CYB5R4: variants seen among roughly 807,000 people sequenced by gnomAD.
CYB5R4 encodes the protein N-terminal cytochrome b5 and cytochrome b5 oxidoreductase domain-containing protein.
A neutral mutation model predicts 70.2 loss-of-function variants in CYB5R4; 55 were observed. The ratio of observed to expected loss-of-function variants is 0.78; its 90% CI spans 0.63 to 0.98. The LOEUF is 0.98. Among genes scored for constraint, CYB5R4 ranks in the 50% least tolerant of loss-of-function variants. The probability of loss-of-function intolerance (pLI) is 0.00; values close to 1 mark genes in which losing one functional copy is unlikely to be tolerated. For synonymous variants in CYB5R4, 197 were observed against 199.5 expected, an observed-to-expected ratio of 0.99 and a Z score of 0.11; for missense variants, 562 against 612.6, an observed-to-expected ratio of 0.92 and a Z score of 0.87.
intron 10 of CYB5R4, among the ~76,000 whole-genome samples, chr6:83,928,526 A>G (rs1032350190): frequency 2.0e-5 from 3 of 152,120 alleles, no homozygotes; most frequent in African/African-American, 4.8e-5. Context: ...CAAAAACTAT[A>G]TGGGACTTTC....
At chr6:83,860,344 G>A (rs1045510989) in intron 1 of CYB5R4, among the ~76,000 whole-genome samples, 1 of 152,098 alleles carries the variant, frequency 6.6e-6, no homozygotes, top group Non-Finnish European at 1.5e-5. Context: ...GAGTTGGGGA[G>A]CTAGGTCAGG....
At chr6:83,919,175 C>T (rs1274088341) in intron 6 of CYB5R4, among the ~76,000 whole-genome samples, 2 of 151,992 alleles carry the variant, frequency 1.3e-5, no homozygotes. Flanking sequence ...TGTTTTTACT[C>T]AAGTGGGAAT....
intron 14 of CYB5R4, among the ~76,000 whole-genome samples, chr6:83,943,809 C>G (rs948500057): frequency 1.3e-5 from 2 of 151,760 alleles, no homozygotes; most frequent in Non-Finnish European, 2.9e-5. Context: ...CATCATGAAG[C>G]ATACACAAGT....
In CYB5R4 at chr6:83,880,955, A is replaced by G. The variant is rs1245462954; in HGVS notation, c.230-12567A>G. Reference sequence around the variant, plus strand: ...GGGTGGTGGTGGTAGGAGGTAGATCATAATGTTTTGACATGCAGTCTCTTT... The same window carrying G: ...GGGTGGTGGTGGTAGGAGGTAGATCGTAATGTTTTGACATGCAGTCTCTTT... On this transcript the variant is annotated intron_variant, in intron 2 of 15. Coordinates refer to ENST00000369681, the MANE Select transcript of CYB5R4 (RefSeq NM_016230.4). Among the ~76,000 whole-genome samples the G allele has an allele frequency of 2.6e-5, 4 of 152,180 alleles. 1 individual carries two copies. The highest frequency in any genetic ancestry group is 1.3e-4 in the Admixed American group (2 of 15,270).
rs1201382079 is a variant in CYB5R4 at position 83,959,924 on chromosome 6, G to A, written c.*46G>A. On this transcript the variant is annotated 3_prime_UTR_variant, in exon 16 of 16. Coordinates refer to ENST00000369681, the MANE Select transcript of CYB5R4 (RefSeq NM_016230.4). ...TTATTCAACTAGTTTATCTAAATTT[G>A]TGATTGCTTAGGGTTTTTTAAGAGA... The A allele has an allele frequency of 6.8e-7, 1 of 1,465,494 alleles. No individual in the cohort carries two copies. Among genetic ancestry groups the A allele is most frequent in the Non-Finnish European group, 9.3e-7 (1 of 1,081,024 alleles). 90.8% of individuals were successfully genotyped at this position (1,465,494 alleles called of 1,614,324 possible).
rs76318129 is a variant in CYB5R4, at chr6:83,879,923, T to C, written c.230-13599T>C. Reference sequence around the variant, plus strand: ...GCTCTGCTGAAGCTGAAGGGGTTCATGTGGTTCATCTCCTCAGAGGGGCGT... The same window carrying C: ...GCTCTGCTGAAGCTGAAGGGGTTCACGTGGTTCATCTCCTCAGAGGGGCGT... On this transcript the variant is annotated intron_variant, in intron 2 of 15. Coordinates refer to ENST00000369681, the MANE Select transcript of CYB5R4 (RefSeq NM_016230.4). 2.2e-3 allele frequency among the ~76,000 whole-genome samples: 341 copies of C among 152,284 alleles called. 2 individuals are homozygous for C. The highest frequency in any genetic ancestry group is 7.7e-3 in the African/African-American group (322 of 41,568).
intron 3 of CYB5R4, among the ~76,000 whole-genome samples, chr6:83,906,799 T>C (rs2099463847): frequency 1.3e-5 from 2 of 152,228 alleles, no homozygotes; most frequent in African/African-American, 4.8e-5. Flanking sequence ...ACATACTTAC[T>C]ATTTTAGTGC....
At chr6:83,899,782 G>A (rs565075180) in intron 3 of CYB5R4, among the ~76,000 whole-genome samples, 319 of 152,254 alleles carry the variant, frequency 2.1e-3, no homozygotes, top group African/African-American at 7.1e-3. Context: ...TCTGATGGTA[G>A]CTTGTATTTC....
At chr6:83,958,614 G>T (rs1200599142) in intron 15 of CYB5R4, among the ~76,000 whole-genome samples, 11 of 152,180 alleles carry the variant, frequency 7.2e-5, no homozygotes, top group Admixed American at 7.2e-4. Context: ...GGATGGAATG[G>T]TAGCATGGGC....
At chr6:83,935,545 G>A (rs1018052559) in intron 11 of CYB5R4, among the ~76,000 whole-genome samples, 1 of 152,038 alleles carries the variant, frequency 6.6e-6, no homozygotes, top group Non-Finnish European at 1.5e-5. Flanking sequence ...TATACATTGA[G>A]GAGCCATGCG....
chr6:83,922,916 G>A (rs1339190267), intron 9 of CYB5R4, among the ~76,000 whole-genome samples: 1 of 151,890 alleles, frequency 6.6e-6, no homozygotes, highest in Non-Finnish European at 1.5e-5. Context: ...AGCCTCCTGA[G>A]TAGTTGAGAT....
At chr6:83,884,340 A>G (rs1033112108) in intron 2 of CYB5R4, among the ~76,000 whole-genome samples, 16 of 152,084 alleles carry the variant, frequency 1.1e-4, no homozygotes, top group South Asian at 2.1e-4. Flanking sequence ...AATGTTTGGG[A>G]AAAAGTATGC....
rs2099473743 is a variant in CYB5R4 at position 83,964,254 on chromosome 6, T to C, written c.*4376T>C. ...GAAGAAGACAGGAAAATGGGAAAGTTTGGAACTTCCTTGAGACTTGTTGAA... is the reference window on the plus strand; with the variant it reads ...GAAGAAGACAGGAAAATGGGAAAGTCTGGAACTTCCTTGAGACTTGTTGAA... On this transcript the variant is annotated 3_prime_UTR_variant, in exon 16 of 16. Transcript: ENST00000369681. The C allele has an allele frequency of 6.5e-6, 1 of 153,424 alleles. No individual in the cohort carries two copies. Among genetic ancestry groups the C allele is most frequent in the Admixed American group, 6.5e-5 (1 of 15,300 alleles). 9.5% of individuals were successfully genotyped at this position (153,424 alleles called of 1,614,324 possible).
intron 14 of CYB5R4, among the ~76,000 whole-genome samples, chr6:83,952,888 G>A (rs1405269239): frequency 1.3e-5 from 2 of 152,248 alleles, no homozygotes; most frequent in Non-Finnish European, 2.9e-5. Context: ...TATTGGGACT[G>A]GCAATGTGGC....
intron 2 of CYB5R4, among the ~76,000 whole-genome samples, chr6:83,867,655 C>T (rs1199448689): frequency 6.6e-6 from 1 of 152,190 alleles, no homozygotes; most frequent in African/African-American, 2.4e-5. Flanking sequence ...TAACTTCTAG[C>T]ACGATCCCAA....
intron 12 of CYB5R4, among the ~76,000 whole-genome samples, chr6:83,937,601 C>T (rs1156973134): frequency 6.6e-6 from 1 of 152,106 alleles, no homozygotes; most frequent in Non-Finnish European, 1.5e-5. Context: ...CTCACTGCAA[C>T]CTCTGCCTCC....
intron 2 of CYB5R4, among the ~76,000 whole-genome samples, chr6:83,889,902 A>G (rs2099460851): frequency 6.6e-6 from 1 of 152,112 alleles, no homozygotes; most frequent in South Asian, 2.1e-4. Context: ...AAATGACCAG[A>G]TTCTTCAGAA....
At chr6:83,953,106 G>A (rs1463792675) in intron 14 of CYB5R4, among the ~76,000 whole-genome samples, 1 of 152,006 alleles carries the variant, frequency 6.6e-6, no homozygotes, top group Non-Finnish European at 1.5e-5. Flanking sequence ...ATGTTAATGT[G>A]TTCCCCGGAA....
At chr6:83,914,031 T>TG (rs1231827171) in intron 4 of CYB5R4, among the ~76,000 whole-genome samples, 1 of 152,190 alleles carries the variant, frequency 6.6e-6, no homozygotes, top group Admixed American at 6.5e-5. Context: ...TTAATGTGTG[T>TG]GTTTCATTTA....
Sources: allele counts gnomAD v4.1 joint callset (sites outside exome capture counted in the v4.1 genomes callset), GRCh38; gene constraint gnomAD v4.1.1; transcripts MANE v1.5; gene names NCBI Gene and HGNC (gene_info 2026-07-23, HGNC 2026-07-21).